The following THADA variants were observed in gnomAD, a reference collection of about 807,000 sequenced individuals.
THADA encodes the protein THADA armadillo repeat containing.
A neutral mutation model predicts 219.8 loss-of-function variants in THADA; 213 were observed. The observed-to-expected ratio is 0.97, with a 90% CI of 0.87 to 1.09. The LOEUF (loss-of-function observed/expected upper bound fraction) is 1.09, where lower values mean the gene tolerates loss of function less well. Among genes scored for constraint, THADA ranks in the 50% least tolerant of loss-of-function variants. THADA has a pLI of 0.00. For missense variants in THADA, 2,956 were observed against 2,311.3 expected (o/e 1.28, Z -5.72); for synonymous variants, 1,018 against 828.9 (o/e 1.23, Z -3.92).
At chr2:43,306,470 C>G (rs1237339457) in intron 31 of THADA, among the ~76,000 whole-genome samples, 1 of 152,158 alleles carries the variant, frequency 6.6e-6, no homozygotes, top group African/African-American at 2.4e-5. Flanking sequence ...ACTTGGGAGT[C>G]AACTGCTAAC....
chr2:43,310,870 T>G (rs11688178), intron 31 of THADA, among the ~76,000 whole-genome samples: 12,076 of 152,184 alleles, frequency 0.079, 623 homozygotes, highest in South Asian at 0.19. Context: ...CCCTTACAAC[T>G]TGAGAATAAA....
chr2:43,496,865 T>G (rs550671948), intron 25 of THADA, among the ~76,000 whole-genome samples: 2 of 152,278 alleles, frequency 1.3e-5, no homozygotes, highest in South Asian at 4.1e-4. Flanking sequence ...TGCAGCATTA[T>G]TCATAATAGC....
At chr2:43,270,953 A>G (rs1005853928) in intron 36 of THADA, among the ~76,000 whole-genome samples, 1 of 152,234 alleles carries the variant, frequency 6.6e-6, no homozygotes, top group African/African-American at 2.4e-5. Flanking sequence ...AGGAGCATCA[A>G]GAGGGAGGTG....
At chr2:43,406,838 C>T (rs1368299858) in intron 28 of THADA, among the ~76,000 whole-genome samples, 5 of 152,186 alleles carry the variant, frequency 3.3e-5, no homozygotes, top group African/African-American at 2.4e-5. Flanking sequence ...GATCTACCCT[C>T]GGGGTTCTTG....
At chr2:43,522,349 G>A (rs1432766377) in intron 22 of THADA, among the ~76,000 whole-genome samples, 1 of 152,078 alleles carries the variant, frequency 6.6e-6, no homozygotes, top group Non-Finnish European at 1.5e-5. Flanking sequence ...AAAACATTAG[G>A]GGGCTATTTT....
chr2:43,535,335 TATA>T (rs1398894921), intron 21 of THADA, among the ~76,000 whole-genome samples: 1 of 152,010 alleles, frequency 6.6e-6, no homozygotes, highest in Non-Finnish European at 1.5e-5. Context: ...TTTAGTTTGA[TATA>T]ATCCCACTTA....
chr2:43,490,077 T>C (rs1272992515), intron 25 of THADA, among the ~76,000 whole-genome samples: 3 of 152,168 alleles, frequency 2.0e-5, no homozygotes, highest in Non-Finnish European at 4.4e-5. Flanking sequence ...GCAGTTCCTT[T>C]GCTAAATTTA....
chr2:43,295,640 T>C (rs1054737212), intron 31 of THADA, among the ~76,000 whole-genome samples: 1 of 152,252 alleles, frequency 6.6e-6, no homozygotes, highest in Admixed American at 6.5e-5. Context: ...CGTTTATATT[T>C]ATCATCTCAT....
intron 26 of THADA, among the ~76,000 whole-genome samples, chr2:43,447,979 C>A (rs1681795415): frequency 6.6e-6 from 1 of 152,114 alleles, no homozygotes; most frequent in African/African-American, 2.4e-5. Context: ...CGATTTTTGA[C>A]AGCACTAAGG....
At chr2:43,266,016 C>G (rs1034285534) in intron 36 of THADA, among the ~76,000 whole-genome samples, 2 of 149,934 alleles carry the variant, frequency 1.3e-5, no homozygotes, top group African/African-American at 4.9e-5. Flanking sequence ...TGAAGCAGAA[C>G]CACCACAACC....
chr2:43,328,968 C>T (rs1679654216), intron 30 of THADA, among the ~76,000 whole-genome samples: 1 of 152,164 alleles, frequency 6.6e-6, no homozygotes, highest in South Asian at 2.1e-4. Flanking sequence ...GCATCTTGTT[C>T]TCATTACTGT....
chr2:43,436,814 T>C (rs1006909626), intron 26 of THADA, among the ~76,000 whole-genome samples: 4 of 152,220 alleles, frequency 2.6e-5, no homozygotes, highest in Admixed American at 6.5e-5. Context: ...AAACAAATGC[T>C]TTCTTTACAG....
Position 43,293,171 on chromosome 2 carries a change from A to T in THADA, c.4481T>A (p.Ile1494Asn). ...TCCCGTTATCAGCTCTGATCCTGAG[A>T]TAATCCCTCTGACTTCCTCCCAGAA... ...LGFWEEVRGI[I>N]SGSELITGFP... Residue 1494 changes from isoleucine (I) to asparagine (N), a missense_variant, in exon 32 of 38, where the codon ATC (isoleucine) becomes AAC (asparagine). Ile to Asn is a moderately radical substitution (Grantham distance 149, BLOSUM62 -3). Transcript: ENST00000405975. The T allele has an allele frequency of 6.2e-7, 1 of 1,613,806 alleles. No homozygotes were observed. The highest frequency in any genetic ancestry group is 1.1e-5 in the South Asian group (1 of 91,082).
At chr2:43,469,308 C>T (rs376309508) in intron 26 of THADA, among the ~76,000 whole-genome samples, 14 of 151,982 alleles carry the variant, frequency 9.2e-5, no homozygotes, top group African/African-American at 3.4e-4. Flanking sequence ...CCAGCAGGGG[C>T]TTAATAAATA....
chr2:43,574,919 C>G lies in THADA; in HGVS notation c.1146G>C (p.Leu382=). 1 of 1,613,990 alleles carries G rather than the reference C, an allele frequency of 6.2e-7. No individual in the cohort carries two copies. The highest frequency in any genetic ancestry group is 1.1e-5 in the South Asian group (1 of 91,084). Residue 382 remains leucine, a synonymous_variant, in exon 11 of 38, where the codon CTG becomes CTC. Coordinates refer to ENST00000405975, the MANE Select transcript of THADA (RefSeq NM_022065.5). ...TCCCAACTATACTTGAATTCCCATT[C>G]AGGCTGTCCGTTAGGCTCGGGGAAC... ...ESSSPSLTDS[L]NGNSSIVGRL...
chr2:43,548,825 T>C (rs1396265769), intron 20 of THADA, among the ~76,000 whole-genome samples: 1 of 152,256 alleles, frequency 6.6e-6, no homozygotes, highest in African/African-American at 2.4e-5. Flanking sequence ...GCTTCCCAAG[T>C]GAGGCAATGC....
intron 26 of THADA, among the ~76,000 whole-genome samples, chr2:43,468,199 T>C (rs918321441): frequency 1.3e-5 from 2 of 152,218 alleles, no homozygotes; most frequent in African/African-American, 4.8e-5. Context: ...TTGTTTCAGC[T>C]TTTTGAGAAT....
intron 22 of THADA, among the ~76,000 whole-genome samples, chr2:43,514,604 AT>A (rs1690971541): frequency 1.1e-5 from 1 of 89,930 alleles, no homozygotes; most frequent in Non-Finnish European, 2.0e-5. Context: ...TATATTTTAT[AT>A]ATATTTTATA....
At chr2:43,586,509 A>C in intron 6 of THADA, 60 bp from the exon 7 acceptor site, 1 of 1,434,342 alleles carries the variant, frequency 7.0e-7, no homozygotes. Context: ...ATTTCAATAA[A>C]ATAAAATATT....
Sources: allele counts gnomAD v4.1 joint callset (sites outside exome capture counted in the v4.1 genomes callset), GRCh38; gene constraint gnomAD v4.1.1; transcripts MANE v1.5; gene names NCBI Gene and HGNC (gene_info 2026-07-23, HGNC 2026-07-21).